Variants in PHKB observed in about 807,000 individuals in gnomAD.
The protein encoded by PHKB is phosphorylase kinase regulatory subunit beta.
PHKB carries 122 observed loss-of-function variants against 152.1 expected under a neutral mutation model. The ratio of observed to expected loss-of-function variants is 0.80; its 90% confidence interval spans 0.69 to 0.93. The LOEUF is 0.93. Among genes scored for constraint, PHKB ranks in the 40% least tolerant of loss-of-function variants. The pLI, the probability that PHKB is intolerant of heterozygous loss-of-function variation, is 0.00. For synonymous variants in PHKB, 436 were observed against 464.9 expected (o/e 0.94, Z 0.80); for missense variants, 1,304 against 1,328.4 (o/e 0.98, Z 0.29).
intron 2 of PHKB, among the ~76,000 whole-genome samples, chr16:47,499,313 G>A (rs1231356190): frequency 1.3e-5 from 2 of 152,328 alleles, no homozygotes; most frequent in South Asian, 2.1e-4. Context: ...ATCATTTACT[G>A]TAGCAGTTGA....
At chr16:47,549,480 G>A (rs991027510) in intron 7 of PHKB, among the ~76,000 whole-genome samples, 4 of 152,030 alleles carry the variant, frequency 2.6e-5, no homozygotes, top group Non-Finnish European at 4.4e-5. Context: ...ACCTGACACC[G>A]GGGGTTTGAG....
chr16:47,465,480 T>C (rs769347473), intron 1 of PHKB, among the ~76,000 whole-genome samples: 17 of 152,198 alleles, frequency 1.1e-4, no homozygotes, highest in Non-Finnish European at 1.6e-4. Context: ...ATCATCAAAT[T>C]GAAATAGAAT....
At chr16:47,591,936 A>G (rs1349633181) in intron 10 of PHKB, among the ~76,000 whole-genome samples, 2 of 152,160 alleles carry the variant, frequency 1.3e-5, no homozygotes, top group Admixed American at 1.3e-4. Flanking sequence ...GGTTTAGGCT[A>G]GTGGATCTGG....
chr16:47,574,273 C>A (rs527741687), intron 7 of PHKB, among the ~76,000 whole-genome samples: 1 of 152,280 alleles, frequency 6.6e-6, no homozygotes, highest in East Asian at 1.9e-4. Flanking sequence ...TTGAGACATT[C>A]CCCTGTGGCC....
intron 10 of PHKB, chr16:47,590,974 C>G (rs566333207): frequency 6.6e-6 from 1 of 152,446 alleles, no homozygotes; most frequent in Non-Finnish European, 1.5e-5. Flanking sequence ...TTCATCCATA[C>G]TTACCTCCAT....
At position 47,685,181 on chromosome 16, in the gene PHKB, C is replaced by G. The variant is rs544254055; in HGVS notation, c.2631-3860C>G. On this transcript the variant is annotated intron_variant, in intron 26 of 30. Coordinates refer to ENST00000323584, the MANE Select transcript of PHKB (RefSeq NM_000293.3). ...GTGGCTTACGCCTGTAATCCCAGCACTTTGGGAGGCCGAGGTGGGCGGATC... is the reference window on the plus strand; with the variant it reads ...GTGGCTTACGCCTGTAATCCCAGCAGTTTGGGAGGCCGAGGTGGGCGGATC... Among the ~76,000 whole-genome samples, 4 of 152,220 alleles carry G rather than the reference C, an allele frequency of 2.6e-5. No homozygotes were observed. The East Asian group carries it at 5.8e-4, about 22-fold the overall frequency.
intron 13 of PHKB, chr16:47,598,981 G>C: frequency 8.7e-7 from 1 of 1,151,574 alleles, no homozygotes; most frequent in South Asian, 1.3e-5. Context: ...AAGGCCAGTG[G>C]TCTTCTTCAG....
chr16:47,587,598 A>T, intron 8 of PHKB, 70 bp from the exon 9 acceptor site: 2 of 1,122,796 alleles, frequency 1.8e-6, no homozygotes, highest in Non-Finnish European at 2.7e-6. Flanking sequence ...AAGTTTTCAC[A>T]GTCAAAATGC....
chr16:47,565,269 T>G (rs1346530354), intron 7 of PHKB: 4 of 715,764 alleles, frequency 5.6e-6, no homozygotes, highest in Non-Finnish European at 1.1e-5. Context: ...TTGTTCCCTC[T>G]GTCTCCTGGA....
chr16:47,653,053 T>C (rs1305065115), intron 20 of PHKB, among the ~76,000 whole-genome samples: 1 of 152,108 alleles, frequency 6.6e-6, no homozygotes, highest in Non-Finnish European at 1.5e-5. Context: ...AATTCACTTA[T>C]AAGGTGATCT....
intron 13 of PHKB, among the ~76,000 whole-genome samples, chr16:47,609,245 A>G (rs1319535685): frequency 6.6e-6 from 1 of 152,106 alleles, no homozygotes; most frequent in Non-Finnish European, 1.5e-5. Context: ...TTTGTGGGAT[A>G]GATTCTACTT....
rs569020272 is a variant in PHKB at position 47,552,168 on chromosome 16, G to A, written c.710+4620G>A. On this transcript the variant is annotated intron_variant, in intron 7 of 30. Transcript: ENST00000323584. ...CTGATGGGTCTTTACTCTTTATCCAGTTTTCCAGTCTCTGTTTTTTAACTG... is the reference window on the plus strand; with the variant it reads ...CTGATGGGTCTTTACTCTTTATCCAATTTTCCAGTCTCTGTTTTTTAACTG... Among the ~76,000 whole-genome samples, 4 of 152,168 alleles carry A rather than the reference G, an allele frequency of 2.6e-5. No homozygotes were observed. The East Asian group carries it at 5.8e-4, about 22-fold the overall frequency.
intron 1 of PHKB, among the ~76,000 whole-genome samples, chr16:47,469,717 C>G (rs1196042257): frequency 6.6e-6 from 1 of 151,990 alleles, no homozygotes; most frequent in Non-Finnish European, 1.5e-5. Context: ...CGTAATATAC[C>G]CAGGTAACAA....
intron 1 of PHKB, among the ~76,000 whole-genome samples, chr16:47,467,648 A>G (rs1264355530): frequency 6.6e-6 from 1 of 152,154 alleles, no homozygotes; most frequent in Non-Finnish European, 1.5e-5. Context: ...GCCATATCAT[A>G]TGACTTAACC....
chr16:47,585,793 A>G (rs983037709), intron 8 of PHKB, among the ~76,000 whole-genome samples: 2 of 152,248 alleles, frequency 1.3e-5, no homozygotes, highest in African/African-American at 4.8e-5. Context: ...ACGGCCAGAA[A>G]ATAGAAGTTG....
chr16:47,560,443 G>A (rs1971457050), intron 7 of PHKB, among the ~76,000 whole-genome samples: 1 of 152,178 alleles, frequency 6.6e-6, no homozygotes, highest in Admixed American at 6.5e-5. Context: ...GCACAGGAAA[G>A]GTTAGGGAAC....
At chr16:47,566,202 C>A in intron 7 of PHKB, 1 of 728,348 alleles carries the variant, frequency 1.4e-6, no homozygotes, top group East Asian at 2.6e-5. Context: ...ATCACAATAC[C>A]AATCTGAATC....
chr16:47,602,542 C>CT (rs34655174), intron 13 of PHKB, among the ~76,000 whole-genome samples: 2,451 of 122,624 alleles, frequency 0.02, 28 homozygotes, highest in Non-Finnish European at 0.029. Flanking sequence ...GCTTCTCTTC[C>CT]TTTTTTTTTT....
At chr16:47,619,434 T>C (rs1972579712) in intron 14 of PHKB, 1 of 152,214 alleles carries the variant, frequency 6.6e-6, no homozygotes, top group East Asian at 1.9e-4. Flanking sequence ...ACAAAATGTA[T>C]GCTGGGATTC....
Sources: gnomAD v4.1 joint callset for allele counts (sites outside exome capture counted in the v4.1 genomes callset) on GRCh38, gnomAD v4.1.1 for gene constraint, MANE v1.5 for transcripts, NCBI Gene and HGNC (gene_info 2026-07-23, HGNC 2026-07-21) for gene names.